Variants in PDE3A observed in about 807,000 individuals in gnomAD.
The protein encoded by PDE3A is cGMP-inhibited 3',5'-cyclic phosphodiesterase 3A.
In PDE3A, 43 loss-of-function variants were observed where a neutral mutation model predicts 98.3. The ratio of observed to expected loss-of-function variants is 0.44; its 90% CI spans 0.34 to 0.56. The LOEUF (loss-of-function observed/expected upper bound fraction) is 0.56, where lower values mean the gene tolerates loss of function less well. Ranked by LOEUF, PDE3A falls within the 20% of genes least tolerant of loss-of-function variation. PDE3A has a pLI of 0.01. For synonymous variants in PDE3A, 663 were observed against 567.9 expected, an observed-to-expected ratio of 1.17 and a Z score of -2.38; for missense variants, 1,427 against 1,440.7, an observed-to-expected ratio of 0.99 and a Z score of 0.15.
At chr12:20,525,552 C>T (rs1367719588) in intron 1 of PDE3A, among the ~76,000 whole-genome samples, 2 of 151,668 alleles carry the variant, frequency 1.3e-5, no homozygotes, top group African/African-American at 4.8e-5. Flanking sequence ...ATTGAAGCAA[C>T]AAGAAAATTG....
chr12:20,582,829 G>A (rs1943102858), intron 2 of PDE3A, among the ~76,000 whole-genome samples: 2 of 152,088 alleles, frequency 1.3e-5, no homozygotes, highest in South Asian at 4.1e-4. Context: ...GTATAGAGGT[G>A]AAAGAATAAA....
At chr12:20,579,996 C>T (rs571042804) in intron 2 of PDE3A, among the ~76,000 whole-genome samples, 1 of 152,100 alleles carries the variant, frequency 6.6e-6, no homozygotes, top group Non-Finnish European at 1.5e-5. Flanking sequence ...AGGAAAAAAA[C>T]CTAGTATTTG....
intron 1 of PDE3A, among the ~76,000 whole-genome samples, chr12:20,389,857 T>C (rs1481928390): frequency 6.6e-6 from 1 of 152,020 alleles, no homozygotes; most frequent in East Asian, 1.9e-4. Context: ...CCTTTTGATT[T>C]ATGTTTTACA....
At chr12:20,597,479 T>C (rs987942828) in intron 2 of PDE3A, among the ~76,000 whole-genome samples, 5 of 152,216 alleles carry the variant, frequency 3.3e-5, no homozygotes, top group African/African-American at 1.2e-4. Context: ...CTTTTCTGGA[T>C]AATAGGCTTT....
chr12:20,543,257 TTTG>T lies in PDE3A; in HGVS notation c.961-13400_961-13398del, dbSNP rs542659592. On this transcript the variant is annotated intron_variant, in intron 1 of 15. Transcript: ENST00000359062. ...TTTTGGAGTAAGTTTATTTGGTTTG[TTTG>T]TTTTTTTTTTAAACAGGCCTAACTA... Among the ~76,000 whole-genome samples the T allele has an allele frequency of 1.4e-3, 140 of 100,822 alleles. 1 individual carries two copies. The highest frequency in any genetic ancestry group is 3.8e-3 in the African/African-American group (135 of 35,092). 66.1% of individuals were successfully genotyped at this position (100,822 alleles called of 152,430 possible). A position where few individuals can be genotyped will look rare whatever the true frequency, so the allele number is the denominator to read the frequency against.
At chr12:20,409,708 A>G (rs1944299658) in intron 1 of PDE3A, among the ~76,000 whole-genome samples, 1 of 152,210 alleles carries the variant, frequency 6.6e-6, no homozygotes, top group Non-Finnish European at 1.5e-5. Context: ...CACTACTGAA[A>G]TACATTATAT....
At position 20,389,260 on chromosome 12, in the gene PDE3A, C is replaced by A. The variant is rs145443550; in HGVS notation, c.960+19016C>A. On this transcript the variant is annotated intron_variant, in intron 1 of 15. Coordinates refer to ENST00000359062, the MANE Select transcript of PDE3A (RefSeq NM_000921.5). The stretch of plus-strand genomic sequence containing the variant: ...TGAGGAGGAAAGGGGGCAATCAGTA[C>A]TGAAGTTAGCATTTGGGTAGAATCC... Among the ~76,000 whole-genome samples the A allele has an allele frequency of 4.1e-3, 616 of 152,010 alleles. 1 individual carries two copies. The highest frequency in any genetic ancestry group is 0.014 in the African/African-American group (583 of 41,494).
At chr12:20,450,015 C>A in intron 1 of PDE3A, 1 of 679,330 alleles carries the variant, frequency 1.5e-6, no homozygotes, top group South Asian at 1.7e-5. Context: ...CTCCATCTAC[C>A]TGGAAGTTAC....
At chr12:20,597,164 T>C (rs1249468257) in intron 2 of PDE3A, among the ~76,000 whole-genome samples, 1 of 152,132 alleles carries the variant, frequency 6.6e-6, no homozygotes, top group Admixed American at 6.6e-5. Flanking sequence ...GAAATTATAT[T>C]ACAAACTGTA....
At chr12:20,533,334 A>G (rs1413769939) in intron 1 of PDE3A, among the ~76,000 whole-genome samples, 3 of 151,736 alleles carry the variant, frequency 2.0e-5, no homozygotes, top group Non-Finnish European at 2.9e-5. Flanking sequence ...CATGTTCCCT[A>G]TCTCCTCCAT....
intron 2 of PDE3A, among the ~76,000 whole-genome samples, chr12:20,607,212 G>C (rs1365085515): frequency 1.3e-5 from 2 of 152,098 alleles, no homozygotes; most frequent in Admixed American, 1.3e-4. Flanking sequence ...GCCAAGGTGG[G>C]AGGATTGCTT....
chr12:20,656,374 T>C (rs1011127506), intron 15 of PDE3A, among the ~76,000 whole-genome samples: 3 of 152,212 alleles, frequency 2.0e-5, no homozygotes, highest in Non-Finnish European at 4.4e-5. Flanking sequence ...TCCTTATCAA[T>C]TATGAACTTA....
At chr12:20,617,121 AT>A (rs1944026748) in intron 4 of PDE3A, among the ~76,000 whole-genome samples, 1 of 152,146 alleles carries the variant, frequency 6.6e-6, no homozygotes, top group Admixed American at 6.5e-5. Flanking sequence ...TTTGAAACAC[AT>A]GTATAAGTTT....
chr12:20,554,743 C>G (rs11045303), intron 1 of PDE3A, among the ~76,000 whole-genome samples: 62,565 of 151,616 alleles, frequency 0.41, 14,830 homozygotes, highest in East Asian at 0.61. Flanking sequence ...TGCCCCACCA[C>G]GCCCACCTAA....
chr12:20,432,675 C>T (rs770255977), intron 1 of PDE3A, among the ~76,000 whole-genome samples: 2 of 152,090 alleles, frequency 1.3e-5, no homozygotes, highest in Non-Finnish European at 2.9e-5. Context: ...TTCCTTTTTC[C>T]ATACCTTCAT....
rs1591924365 is a variant in PDE3A at position 20,431,065 on chromosome 12, T to TGCC, written c.960+60821_960+60822insGCC. On this transcript the variant is annotated intron_variant, in intron 1 of 15. Transcript: ENST00000359062. ...ACCTAGTTCTGAGAGAGTATTTCCC[T>TGCC]CAGTTTGTCTCATTTGTGGGAAGAA... 5.9e-5 allele frequency among the ~76,000 whole-genome samples: 9 copies of TGCC among 152,294 alleles called. No homozygotes were observed. In the East Asian group the frequency reaches 1.5e-3, roughly 26 times the overall value.
chr12:20,507,169 G>T (rs1946134631), intron 1 of PDE3A, among the ~76,000 whole-genome samples: 1 of 151,826 alleles, frequency 6.6e-6, no homozygotes, highest in South Asian at 2.1e-4. Flanking sequence ...ATTTCTGTTT[G>T]TATTGGACCT....
intron 1 of PDE3A, among the ~76,000 whole-genome samples, chr12:20,375,881 ATTGT>A (rs1261379502): frequency 2.0e-5 from 3 of 151,878 alleles, no homozygotes; most frequent in African/African-American, 7.2e-5. Flanking sequence ...CCTCTCTGAA[ATTGT>A]ATGCAGAACT....
intron 2 of PDE3A, among the ~76,000 whole-genome samples, chr12:20,566,317 A>C (rs868648701): frequency 2.6e-5 from 4 of 152,054 alleles, no homozygotes; most frequent in Middle Eastern, 3.4e-3. Flanking sequence ...GCAGGTTATC[A>C]AACTTGCATC....
Sources: gnomAD v4.1 joint callset for allele counts (sites outside exome capture counted in the v4.1 genomes callset) on GRCh38, gnomAD v4.1.1 for gene constraint, MANE v1.5 for transcripts, NCBI Gene and HGNC (gene_info 2026-07-23, HGNC 2026-07-21) for gene names.